CFAP47: variants seen among roughly 807,000 people sequenced by gnomAD.
CFAP47 encodes the protein cilia and flagella associated protein 47.
In CFAP47, 29 loss-of-function variants were observed where a neutral mutation model predicts 148.1. The ratio of observed to expected loss-of-function variants is 0.20; its 90% confidence interval spans 0.15 to 0.27. The LOEUF (loss-of-function observed/expected upper bound fraction) is 0.27, where lower values mean the gene tolerates loss of function less well. Ranked by LOEUF, CFAP47 falls within the 10% of genes least tolerant of loss-of-function variation. The probability of loss-of-function intolerance (pLI) is 1.00; values close to 1 mark genes in which losing one functional copy is unlikely to be tolerated. For synonymous variants in CFAP47, 664 were observed against 577.3 expected (o/e 1.15, Z -2.15); for missense variants, 1,872 against 1,697.5 (o/e 1.10, Z -1.81).
Position 36,046,913 on chromosome X carries a change from A to C in CFAP47, c.4067A>C (p.His1356Pro), listed in dbSNP as rs760397350. The part of the protein sequence containing the change: ...TVRLLDGEEI[H>P]PLSVKFPKGR... ...AGGCTTCTTGATGGTGAAGAGATTC[A>C]CCCTCTTTCTGTGAAATTTCCAAAA... Residue 1356 changes from histidine to proline, a missense_variant, in exon 26 of 64, where the codon CAC becomes CCC. Physicochemically the swap from His to Pro is moderately conservative, Grantham distance 77. Coordinates refer to ENST00000378653, the MANE Select transcript of CFAP47 (RefSeq NM_001304548.2). The C allele has an allele frequency of 6.0e-6, 7 of 1,162,581 alleles. No homozygotes were observed.
At chrX:36,225,108 A>G (rs1187589297) in intron 45 of CFAP47, among the ~76,000 whole-genome samples, 1 of 111,410 alleles carries the variant, frequency 9.0e-6, no homozygotes, top group Non-Finnish European at 1.9e-5. Context: ...AATCTTGACA[A>G]TTGCCACACT....
At chrX:35,921,114 G>T (rs948180319) in intron 1 of CFAP47, among the ~76,000 whole-genome samples, 4 of 111,192 alleles carry the variant, frequency 3.6e-5, no homozygotes, top group Non-Finnish European at 7.5e-5. Context: ...ATCTCCATTA[G>T]CTACCACCTG....
chrX:36,280,091 TATAAA>T (rs1255272153), intron 49 of CFAP47, among the ~76,000 whole-genome samples: 6 of 111,097 alleles, frequency 5.4e-5, no homozygotes, highest in Admixed American at 9.7e-5. Context: ...TGTGATATTA[TATAAA>T]ATAAAATAAA....
At chrX:35,998,358 T>TA (rs1405962356) in intron 19 of CFAP47, among the ~76,000 whole-genome samples, 2 of 111,681 alleles carry the variant, frequency 1.8e-5, no homozygotes, top group African/African-American at 6.5e-5. Context: ...GATCTGGACT[T>TA]ACCTATTCAA....
At chrX:36,292,617 G>A (rs1941204218) in intron 51 of CFAP47, among the ~76,000 whole-genome samples, 2 of 111,766 alleles carry the variant, frequency 1.8e-5, no homozygotes, top group African/African-American at 6.5e-5. Flanking sequence ...TGGTTATGTG[G>A]AAGTAAATAA....
chrX:36,053,576 T>A (rs530791864), intron 26 of CFAP47, among the ~76,000 whole-genome samples: 2 of 111,687 alleles, frequency 1.8e-5, no homozygotes, highest in African/African-American at 6.5e-5. Flanking sequence ...GATATAATCA[T>A]CTGCTCTGTA....
At chrX:35,975,960 A>G in intron 15 of CFAP47, 47 bp downstream of exon 15, 1 of 1,143,742 alleles carries the variant, frequency 8.7e-7, no homozygotes, top group Non-Finnish European at 1.2e-6. Context: ...TTTTTCATGT[A>G]TTCATGTATT....
intron 48 of CFAP47, among the ~76,000 whole-genome samples, chrX:36,242,199 A>G (rs1371970322): frequency 8.9e-6 from 1 of 112,390 alleles, no homozygotes; most frequent in African/African-American, 3.2e-5. Context: ...CCACAGTTAA[A>G]GGAAAACCAA....
chrX:36,173,758 GA>G (rs981935689), intron 39 of CFAP47, among the ~76,000 whole-genome samples: 1 of 111,655 alleles, frequency 9.0e-6, no homozygotes, highest in Non-Finnish European at 1.9e-5. Context: ...GGGTGGTGCT[GA>G]AAAAAATGTA....
At chrX:36,371,746 G>GTATATACACACGTGTGTA (rs1941952048) in intron 62 of CFAP47, among the ~76,000 whole-genome samples, 1 of 52,373 alleles carries the variant, frequency 1.9e-5, no homozygotes, top group Admixed American at 1.9e-4. Context: ...ATATATGTGT[G>GTATATACACACGTGTGTA]TATATACACA....
At chrX:36,061,607 G>A (rs1467584331) in intron 26 of CFAP47, among the ~76,000 whole-genome samples, 1 of 112,323 alleles carries the variant, frequency 8.9e-6, no homozygotes, top group Non-Finnish European at 1.9e-5. Context: ...TTGTGCATGT[G>A]AGTAAAGTTA....
At chrX:36,199,187 A>C (rs782698287) in intron 42 of CFAP47, among the ~76,000 whole-genome samples, 1 of 111,780 alleles carries the variant, frequency 8.9e-6, no homozygotes, top group Non-Finnish European at 1.9e-5. Context: ...TTGTGATTGC[A>C]TATGTCTTTT....
Position 36,353,833 on chromosome X carries a change from G to A in CFAP47, c.8851+152G>A, listed in dbSNP as rs142575991. ...TCACATAGTGCTTAAGGAGTGTTCC[G>A]TTGTTATGTGTGTTATTTTCACGTA... is the stretch of plus-strand genomic sequence containing the variant. On this transcript the variant is annotated intron_variant, in intron 60 of 63. Transcript: ENST00000378653. Among the ~76,000 whole-genome samples the A allele has an allele frequency of 6.6e-3, 739 of 112,036 alleles. 9 individuals carry two copies. Among genetic ancestry groups the A allele is most frequent in the African/African-American group, 0.022 (676 of 30,856 alleles).
intron 49 of CFAP47, among the ~76,000 whole-genome samples, chrX:36,280,128 A>T (rs1019399200): frequency 1.8e-5 from 2 of 111,454 alleles, no homozygotes; most frequent in East Asian, 5.6e-4. Flanking sequence ...TGGGGTAATA[A>T]ATAGAGCATT....
rs1172892276 is a variant in CFAP47, at chrX:36,259,769, T to C, written c.7444+8325T>C. Among the ~76,000 whole-genome samples the C allele has an allele frequency of 1.9e-4, 21 of 111,157 alleles. No homozygotes were observed. The Admixed American group carries it at 2.0e-3, about 11-fold the overall frequency. The stretch of plus-strand genomic sequence containing the variant: ...TGTGCAAGTTTGTTACATGGATAAA[T>C]TGCATGTTGCTGAGGCTTGGTGTGC... On this transcript the variant is annotated intron_variant, in intron 49 of 63. Transcript: ENST00000378653.
chrX:36,173,826 C>T (rs138245138), intron 39 of CFAP47, among the ~76,000 whole-genome samples: 1,792 of 111,712 alleles, frequency 0.016, 32 homozygotes, highest in African/African-American at 0.049. Flanking sequence ...CCACTTGGTG[C>T]AGAGCTGAGC....
chrX:35,953,186 G>A lies in CFAP47; in HGVS notation c.1047-406G>A, dbSNP rs187455953. Reference sequence around the variant, plus strand: ...GGCAATATGCACTTAGTACATTGGGGAAGACAAATTTGTAACAAATGTTTT... The same window carrying A: ...GGCAATATGCACTTAGTACATTGGGAAAGACAAATTTGTAACAAATGTTTT... On this transcript the variant is annotated intron_variant, in intron 6 of 63. Transcript: ENST00000378653. Among the ~76,000 whole-genome samples the A allele has an allele frequency of 4.1e-3, 459 of 112,241 alleles. 4 individuals carry two copies. The highest frequency in any genetic ancestry group is 0.028 in the Middle Eastern group (6 of 217).
chrX:36,281,706 T>G (rs1443188193), intron 50 of CFAP47, among the ~76,000 whole-genome samples: 1 of 112,423 alleles, frequency 8.9e-6, no homozygotes, highest in African/African-American at 3.2e-5. Flanking sequence ...CTAGTGTTTG[T>G]TCATACAACT....
chrX:36,216,728 A>G (rs1024351938), intron 45 of CFAP47, among the ~76,000 whole-genome samples: 16 of 111,455 alleles, frequency 1.4e-4, no homozygotes, highest in African/African-American at 5.2e-4. Context: ...CACAGAGGGT[A>G]AAAGCCATCC....
Sources: gnomAD v4.1 joint callset for allele counts (sites outside exome capture counted in the v4.1 genomes callset) on GRCh38, gnomAD v4.1.1 for gene constraint, MANE v1.5 for transcripts, NCBI Gene and HGNC (gene_info 2026-07-23, HGNC 2026-07-21) for gene names.